The following EMILIN1 variants were observed in gnomAD, a reference collection of about 807,000 sequenced individuals.
EMILIN1 encodes elastin microfibril interfacer 1.
In EMILIN1, 49 loss-of-function variants were observed where a neutral mutation model predicts 82.4. The ratio of observed to expected loss-of-function variants is 0.59; its 90% CI spans 0.47 to 0.75. The LOEUF (loss-of-function observed/expected upper bound fraction) is 0.75. Ranked by LOEUF, EMILIN1 falls within the 30% of genes least tolerant of loss-of-function variation. The pLI is 0.00. For synonymous variants in EMILIN1, 604 were observed against 602.2 expected, an observed-to-expected ratio of 1.00 and a Z score of -0.04; for missense variants, 1,313 against 1,366.4, an observed-to-expected ratio of 0.96 and a Z score of 0.62.
Position 27,079,126 on chromosome 2 carries a change from G to T in EMILIN1, c.61G>T (p.Ala21Ser). 1 of 1,604,346 alleles carries T rather than the reference G, an allele frequency of 6.2e-7. No homozygotes were observed. Among genetic ancestry groups the T allele is most frequent in the Non-Finnish European group, 8.5e-7 (1 of 1,175,786 alleles). Residue 21 changes from alanine to serine, a missense_variant, in exon 1 of 8, where the codon GCC becomes TCC. By Grantham distance (99) the Ala-to-Ser change is moderately conservative. Coordinates refer to ENST00000380320, the MANE Select transcript of EMILIN1 (RefSeq NM_007046.4). ...LCCLLTAAAG[A>S]ASYPPRGFSL... Reference sequence around the variant, plus strand: ...CTGCCTGCTGACGGCAGCTGCAGGGGCCGCCAGCTACCCTCCTCGAGGTTT... The same window carrying T: ...CTGCCTGCTGACGGCAGCTGCAGGGTCCGCCAGCTACCCTCCTCGAGGTTT...
rs760161904 is a variant in EMILIN1, at chr2:27,082,602, C to T, written c.1031C>T (p.Ala344Val). Residue 344 changes from alanine (A) to valine (V), a missense_variant, in exon 4 of 8, where the codon GCG (alanine) becomes GTG (valine). Physicochemically the swap from Ala to Val is moderately conservative, Grantham distance 64 (BLOSUM62 0). Transcript: ENST00000380320. ...EERQRHLAGLAVGRRPPQECC... is the reference protein window; with the variant it reads ...EERQRHLAGLVVGRRPPQECC... Reference sequence around the variant, plus strand: ...CGGCAACGGCACCTCGCAGGGCTGGCGGTGGGCCGCAGGCCCCCTCAGGAA... The same window carrying T: ...CGGCAACGGCACCTCGCAGGGCTGGTGGTGGGCCGCAGGCCCCCTCAGGAA... 9.7e-6 allele frequency: 15 copies of T among 1,542,778 alleles called. No homozygotes were observed. Among genetic ancestry groups the T allele is most frequent in the Admixed American group, 2.0e-5 (1 of 50,998 alleles).
At position 27,083,901 on chromosome 2, in the gene EMILIN1, A is replaced by T; in HGVS notation, c.2330A>T (p.Glu777Val). ...AGCCAGATGCAGGCAGCCCTGCTGG[A>T]GAAGCTGGTCGGGGGACAGGCGGGC... ...TTSQMQAALL[E>V]KLVGGQAGLG... The change falls in exon 4 of 8, where the codon GAG (glutamate) becomes GTG (valine). Residue 777 changes from glutamate to valine, a missense_variant. Coordinates refer to ENST00000380320, the MANE Select transcript of EMILIN1 (RefSeq NM_007046.4). 1 of 1,608,832 alleles carries T rather than the reference A, an allele frequency of 6.2e-7. No individual in the cohort carries two copies. Among genetic ancestry groups the T allele is most frequent in the African/African-American group, 1.3e-5 (1 of 74,928 alleles).
chr2:27,085,530 G>A, intron 7 of EMILIN1, 148 bp from the exon 8 acceptor site: 1 of 892,182 alleles, frequency 1.1e-6, no homozygotes, highest in South Asian at 1.7e-5. Flanking sequence ...TTTAAGTGCT[G>A]GGAATGCATA....
At chr2:27,084,683 T>G (rs1669560308) in intron 5 of EMILIN1, 152 bp downstream of exon 5, 1 of 634,082 alleles carries the variant, frequency 1.6e-6, no homozygotes, top group Admixed American at 2.8e-5. Context: ...CAGAGGAAAG[T>G]GAGGAGGAAC....
rs1370071343 is a variant in EMILIN1, at chr2:27,082,502, G to A, written c.931G>A (p.Gly311Ser). 31 of 1,547,056 alleles carry A rather than the reference G, an allele frequency of 2.0e-5. No individual in the cohort carries two copies. The highest frequency in any genetic ancestry group is 2.6e-5 in the Non-Finnish European group (30 of 1,146,862). ...CTCCGTGTGCCTGGCCGGGCTAGAT[G>A]GCTTCCGCCGGCAGCAGCAGGAGGA... ...SCSVCLAGLD[G>S]FRRQQQEDRE... is the part of the protein sequence containing the mutation. Residue 311 changes from glycine (G) to serine (S), a missense_variant, in exon 4 of 8, where the codon GGC (glycine) becomes AGC (serine). By Grantham distance (56) the Gly-to-Ser change is moderately conservative. Transcript: ENST00000380320.
At chr2:27,085,532 G>A in intron 7 of EMILIN1, 146 bp from the exon 8 acceptor site, 1 of 897,962 alleles carries the variant, frequency 1.1e-6, no homozygotes, top group Non-Finnish European at 1.7e-6. Context: ...TAAGTGCTGG[G>A]AATGCATAGT....
Position 27,083,134 on chromosome 2 carries a change from G to A in EMILIN1, c.1563G>A (p.Val521=), listed in dbSNP as rs1425234131. 1.3e-6 allele frequency: 2 copies of A among 1,588,048 alleles called. No homozygotes were observed. The highest frequency in any genetic ancestry group is 1.3e-5 in the African/African-American group (1 of 74,484). ...LRLVGSGLHT[V]EAAGEARQAT... ...TGGTGGGCTCCGGCCTGCACACGGT[G>A]GAAGCAGCGGGGGAGGCCCGGCAGG... Residue 521 remains valine (V), a synonymous_variant, in exon 4 of 8, where the codon GTG becomes GTA. Coordinates refer to ENST00000380320, the MANE Select transcript of EMILIN1 (RefSeq NM_007046.4).
chr2:27,082,054 C>T (rs776986238), intron 3 of EMILIN1, 29 bp from the exon 4 acceptor site: 2 of 1,564,372 alleles, frequency 1.3e-6, no homozygotes, highest in Admixed American at 1.8e-5. Flanking sequence ...GGTCCAGCCC[C>T]TCTGCCTTCT....
chr2:27,085,706 C>G lies in EMILIN1; in HGVS notation c.2742C>G (p.Arg914=), dbSNP rs1188039018. 4 of 1,603,642 alleles carry G rather than the reference C, an allele frequency of 2.5e-6. No homozygotes were observed. The Admixed American group carries it at 6.7e-5, about 27-fold the overall frequency. Residue 914 remains arginine, a synonymous_variant, in exon 8 of 8, where the codon CGC becomes CGG. Coordinates refer to ENST00000380320, the MANE Select transcript of EMILIN1 (RefSeq NM_007046.4). ...TGTTCACAGCGCCACTGGCTGGACG[C>G]TACTTGCTGAGCGCGGTGCTGACTG... The part of the protein sequence containing the change: ...TGVFTAPLAG[R]YLLSAVLTGH...
In EMILIN1 at chr2:27,083,260, T is replaced by G; in HGVS notation, c.1689T>G (p.Thr563=). 6.2e-7 allele frequency: 1 copy of G among 1,612,496 alleles called. No homozygotes were observed. Among genetic ancestry groups the G allele is most frequent in the Non-Finnish European group, 8.5e-7 (1 of 1,179,258 alleles). The stretch of plus-strand genomic sequence containing the variant: ...AGTTCACACTACGGCTGAATCTCAC[T>G]GCGGCCCGGCTAGGCCAACTGGAGG... ...AAEFTLRLNL[T]AARLGQLEGL... Residue 563 remains threonine, a synonymous_variant, in exon 4 of 8, where the codon ACT becomes ACG. Transcript: ENST00000380320.
rs773672324 is a variant in EMILIN1, at chr2:27,078,955, G to A, written c.-111G>A. On this transcript the variant is annotated 5_prime_UTR_variant, in exon 1 of 8. Coordinates refer to ENST00000380320, the MANE Select transcript of EMILIN1 (RefSeq NM_007046.4). ...GGGGCTATCAGAAGGAAACTGGGAC[G>A]GACGGGCCGGGCTCGGGCTGTCCTG... 4.0e-5 allele frequency: 33 copies of A among 823,218 alleles called. No individual in the cohort carries two copies. The highest frequency in any genetic ancestry group is 5.5e-5 in the African/African-American group (3 of 54,960). The allele number at this position is 823,218 out of a possible 1,614,324, so 51.0% of individuals were successfully genotyped here.
In EMILIN1 at chr2:27,078,967, C is replaced by T. The variant is rs1669425361; in HGVS notation, c.-99C>T. 1.0e-6 allele frequency: 1 copy of T among 955,040 alleles called. No homozygotes were observed. The highest frequency in any genetic ancestry group is 1.7e-5 in the African/African-American group (1 of 57,622). 59.2% of individuals were successfully genotyped at this position (955,040 alleles called of 1,614,324 possible). On this transcript the variant is annotated 5_prime_UTR_variant, in exon 1 of 8. Transcript: ENST00000380320. Reference sequence around the variant, plus strand: ...AGGAAACTGGGACGGACGGGCCGGGCTCGGGCTGTCCTGTGGAGCAGCAGC... The same window carrying T: ...AGGAAACTGGGACGGACGGGCCGGGTTCGGGCTGTCCTGTGGAGCAGCAGC...
At position 27,079,195 on chromosome 2, in the gene EMILIN1, C is replaced by T. The variant is rs771885974; in HGVS notation, c.130C>T (p.Pro44Ser). The T allele has an allele frequency of 4.4e-6, 7 of 1,579,692 alleles. No individual in the cohort carries two copies. In the South Asian group the frequency reaches 8.0e-5, roughly 18 times the overall value. Residue 44 changes from proline (P) to serine (S), a missense_variant, in exon 1 of 8, where the codon CCC becomes TCC. Physicochemically the swap from Pro to Ser is moderately conservative, Grantham distance 74 (BLOSUM62 -1). Coordinates refer to ENST00000380320, the MANE Select transcript of EMILIN1 (RefSeq NM_007046.4). ...GSSGALSPGGPQAQIAPRPAS... is the reference protein window; with the variant it reads ...GSSGALSPGGSQAQIAPRPAS... ...CAGTGGGGCCCTCAGCCCCGGGGGG[C>T]CCCAGGCCCAGATTGCCCCCCGGCC...
Position 27,082,455 on chromosome 2 carries a change from A to G in EMILIN1, c.884A>G (p.Glu295Gly), listed in dbSNP as rs1410879591. The change falls in exon 4 of 8, where the codon GAG (glutamate) becomes GGG (glycine). Residue 295 changes from glutamate (E) to glycine (G), a missense_variant. Physicochemically the swap from Glu to Gly is moderately conservative, Grantham distance 98. Transcript: ENST00000380320. ...AGTGAGGAGCTGCTGCGGCAGCTGG[A>G]GCAGCGGTTGCAGGAGTCCTGCTCC... ...GPSEELLRQL[E>G]QRLQESCSVC... 2.5e-6 allele frequency: 4 copies of G among 1,573,870 alleles called. No individual in the cohort carries two copies. The highest frequency in any genetic ancestry group is 3.4e-6 in the Non-Finnish European group (4 of 1,162,796).
chr2:27,083,425 T>G lies in EMILIN1; in HGVS notation c.1854T>G (p.Val618=). 6.2e-7 allele frequency: 1 copy of G among 1,612,156 alleles called. No homozygotes were observed. The change falls in exon 4 of 8, where the codon GTT becomes GTG. Residue 618 remains valine (V), a synonymous_variant. Coordinates refer to ENST00000380320, the MANE Select transcript of EMILIN1 (RefSeq NM_007046.4). Reference sequence around the variant, plus strand: ...GGGGTCCTGGGGCTGGTCCAGGTGTTGGGGGCCCAAGCCGTGGGCCCCTGG... The same window carrying G: ...GGGGTCCTGGGGCTGGTCCAGGTGTGGGGGGCCCAAGCCGTGGGCCCCTGG... ...PPRGPGAGPG[V]GGPSRGPLDG...
In EMILIN1 at chr2:27,086,196, G is replaced by A; in HGVS notation, c.*181G>A. 2.5e-6 allele frequency: 1 copy of A among 407,300 alleles called. No individual in the cohort carries two copies. Among genetic ancestry groups the A allele is most frequent in the African/African-American group, 2.1e-5 (1 of 48,382 alleles). 25.2% of individuals were successfully genotyped at this position (407,300 alleles called of 1,614,324 possible). ...GGGGCGCGCCGGCTCAGGGAGGCTCGGGGCCGCCCATGCAGACTTTTGGCC... is the reference window on the plus strand; with the variant it reads ...GGGGCGCGCCGGCTCAGGGAGGCTCAGGGCCGCCCATGCAGACTTTTGGCC... On this transcript the variant is annotated 3_prime_UTR_variant, in exon 8 of 8. Transcript: ENST00000380320.
intron 5 of EMILIN1, 52 bp from the exon 6 acceptor site, chr2:27,084,939 G>T (rs1238809671): frequency 4.8e-5 from 76 of 1,581,218 alleles, no homozygotes; most frequent in Non-Finnish European, 6.5e-5. Flanking sequence ...TTTGCTGAGT[G>T]ACTTAGTGAG....
Position 27,086,076 on chromosome 2 carries a change from T to C in EMILIN1, c.*61T>C, listed in dbSNP as rs1406328887. Reference sequence around the variant, plus strand: ...AGAGACAGCGGGGGCGGCGGGCTCCTGGGGTCTCGCCTGAGACGGGGCACC... The same window carrying C: ...AGAGACAGCGGGGGCGGCGGGCTCCCGGGGTCTCGCCTGAGACGGGGCACC... On this transcript the variant is annotated 3_prime_UTR_variant, in exon 8 of 8. Coordinates refer to ENST00000380320, the MANE Select transcript of EMILIN1 (RefSeq NM_007046.4). 2 of 1,286,938 alleles carry C rather than the reference T, an allele frequency of 1.6e-6. No homozygotes were observed. Among genetic ancestry groups the C allele is most frequent in the Non-Finnish European group, 2.1e-6 (2 of 973,662 alleles). 79.7% of individuals were successfully genotyped at this position (1,286,938 alleles called of 1,614,324 possible).
In EMILIN1 at chr2:27,083,445, C is replaced by T. The variant is rs1464250018; in HGVS notation, c.1874C>T (p.Pro625Leu). Residue 625 changes from proline to leucine, a missense_variant, in exon 4 of 8, where the codon CCC (proline) becomes CTC (leucine). Pro to Leu is a moderately conservative substitution (Grantham distance 98). Coordinates refer to ENST00000380320, the MANE Select transcript of EMILIN1 (RefSeq NM_007046.4). ...GPGVGGPSRG[P>L]LDGFSVFGGS... ...GGTGTTGGGGGCCCAAGCCGTGGGCCCCTGGACGGCTTCAGCGTGTTTGGG... is the reference window on the plus strand; with the variant it reads ...GGTGTTGGGGGCCCAAGCCGTGGGCTCCTGGACGGCTTCAGCGTGTTTGGG... 6.2e-7 allele frequency: 1 copy of T among 1,612,746 alleles called. No individual in the cohort carries two copies. The highest frequency in any genetic ancestry group is 8.5e-7 in the Non-Finnish European group (1 of 1,179,930).
Sources: allele counts gnomAD v4.1 joint callset, GRCh38; gene constraint gnomAD v4.1.1; transcripts MANE v1.5; gene names NCBI Gene and HGNC (gene_info 2026-07-23, HGNC 2026-07-21).